KIF26B: variants seen among roughly 807,000 people sequenced by gnomAD.
The protein encoded by KIF26B is kinesin-like protein KIF26B.
In KIF26B, 63 loss-of-function variants were observed where a neutral mutation model predicts 151.2. The observed-to-expected ratio is 0.42, with a 90% CI of 0.34 to 0.51. KIF26B has a LOEUF of 0.51. Among genes scored for constraint, KIF26B ranks in the 20% least tolerant of loss-of-function variants. The probability of loss-of-function intolerance (pLI) is 0.07; values close to 1 mark genes in which losing one functional copy is unlikely to be tolerated. For missense variants in KIF26B, 2,813 were observed against 2,913.6 expected (o/e 0.97, Z 0.79); for synonymous variants, 1,357 against 1,262.1 (o/e 1.08, Z -1.59).
Position 245,611,985 on chromosome 1 carries a change from G to A in KIF26B, c.2098+9G>A, listed in dbSNP as rs144325629. ...GAGCGGGAAAGGGGGAAGTAAGTCG[G>A]CCACTCCACCCTCCTGCCTCCTTAG... On this transcript the variant is annotated intron_variant, in intron 9 of 14. Transcript: ENST00000407071. 0.015 allele frequency: 23,538 copies of A among 1,609,226 alleles called. 190 individuals are homozygous for A. The highest frequency in any genetic ancestry group is 0.016 in the Non-Finnish European group (18,948 of 1,176,558).
intron 2 of KIF26B, chr1:245,216,023 T>G (rs1452132594): frequency 1.3e-5 from 2 of 151,708 alleles, no homozygotes; most frequent in Non-Finnish European, 2.9e-5. Context: ...AGCCCAGGAG[T>G]TCGAGTCCAG....
chr1:245,524,782 A>C (rs1168630156), intron 4 of KIF26B, among the ~76,000 whole-genome samples: 1 of 152,188 alleles, frequency 6.6e-6, no homozygotes, highest in East Asian at 1.9e-4. Context: ...TTCTCAAAAG[A>C]ATAGCCGAGG....
intron 4 of KIF26B, among the ~76,000 whole-genome samples, chr1:245,421,629 G>A (rs61831488): frequency 0.1 from 15,529 of 152,086 alleles, 1,000 homozygotes; most frequent in South Asian, 0.16. Flanking sequence ...GGAGTCTTCC[G>A]TTCAGTTCCA....
rs2043458065 is a variant in KIF26B at position 245,606,683 on chromosome 1, G to A, written c.1558-968G>A. On this transcript the variant is annotated intron_variant, in intron 6 of 14. Coordinates refer to ENST00000407071, the MANE Select transcript of KIF26B (RefSeq NM_018012.4). The surrounding 1 kb of genome is among the most constrained non-coding windows in gnomAD (Gnocchi z 4.6). ...GACCAGACACACACACCCGGCCAAAGAACACCTAATAACATACCATGTGGT... is the reference window on the plus strand; with the variant it reads ...GACCAGACACACACACCCGGCCAAAAAACACCTAATAACATACCATGTGGT... Among the ~76,000 whole-genome samples, 1 of 152,154 alleles carries A rather than the reference G, an allele frequency of 6.6e-6. No individual in the cohort carries two copies. The highest frequency in any genetic ancestry group is 1.5e-5 in the Non-Finnish European group (1 of 68,036).
intron 4 of KIF26B, among the ~76,000 whole-genome samples, chr1:245,492,569 C>T (rs1009782780): frequency 2.6e-5 from 4 of 152,182 alleles, no homozygotes; most frequent in African/African-American, 4.8e-5. Context: ...AAAGGCGGCA[C>T]GCCAGACTAA....
intron 2 of KIF26B, among the ~76,000 whole-genome samples, chr1:245,355,016 G>C (rs772877255): frequency 3.2e-4 from 48 of 152,174 alleles, no homozygotes; most frequent in Admixed American, 5.2e-4. Context: ...TGCCTTTCAG[G>C]TTCAAGCGAT....
chr1:245,485,927 A>T (rs561302737), intron 4 of KIF26B, among the ~76,000 whole-genome samples: 1 of 152,350 alleles, frequency 6.6e-6, no homozygotes, highest in East Asian at 1.9e-4. Context: ...GTCAATAGTC[A>T]GTTTGTCTTC....
intron 2 of KIF26B, among the ~76,000 whole-genome samples, chr1:245,164,401 TGA>T (rs1668581910): frequency 6.6e-6 from 1 of 152,272 alleles, no homozygotes; most frequent in Non-Finnish European, 1.5e-5. Flanking sequence ...TGAACATTTT[TGA>T]TTCCTGTTTA....
chr1:245,431,309 G>C (rs886394515), intron 4 of KIF26B, among the ~76,000 whole-genome samples: 1 of 149,558 alleles, frequency 6.7e-6, no homozygotes, highest in African/African-American at 2.5e-5. Context: ...CTCCTGAGTA[G>C]CTAGGACTGC....
intron 2 of KIF26B, among the ~76,000 whole-genome samples, chr1:245,347,265 T>G (rs1259614287): frequency 1.3e-5 from 2 of 152,170 alleles, no homozygotes; most frequent in Non-Finnish European, 2.9e-5. Context: ...AAATTTCTCT[T>G]AACCTCACAC....
chr1:245,174,416 G>GT (rs1219802190), intron 2 of KIF26B, among the ~76,000 whole-genome samples: 3 of 151,290 alleles, frequency 2.0e-5, no homozygotes. Flanking sequence ...ATCTCTAACA[G>GT]TAATACAAGA....
At chr1:245,670,769 T>C (rs926212816) in intron 10 of KIF26B, among the ~76,000 whole-genome samples, 5 of 152,344 alleles carry the variant, frequency 3.3e-5, no homozygotes, top group Non-Finnish European at 2.9e-5. Context: ...CCATGAGATG[T>C]TGGGATACAG....
Position 245,602,723 on chromosome 1 carries a change from C to T in KIF26B, c.1497C>T (p.Gly499=). 1 of 1,614,048 alleles carries T rather than the reference C, an allele frequency of 6.2e-7. No homozygotes were observed. Among genetic ancestry groups the T allele is most frequent in the Non-Finnish European group, 8.5e-7 (1 of 1,179,890 alleles). ...GTCAAAATGCCTTCCAAAAGAGAGG[C>T]AACCAGGTTCCTCCAAAGATGTTTG... is the stretch of plus-strand genomic sequence containing the variant. The part of the protein sequence containing the change: ...CGGQNAFQKR[G]NQVPPKMFAF... The change falls in exon 6 of 15, where the codon GGC becomes GGT. Residue 499 remains glycine (G), a synonymous_variant. Transcript: ENST00000407071. This position sits in a 1 kb window ranked among gnomAD's most constrained non-coding sequence, Gnocchi z 4.5.
intron 2 of KIF26B, among the ~76,000 whole-genome samples, chr1:245,182,487 G>C (rs1271933594): frequency 3.9e-5 from 6 of 152,142 alleles, no homozygotes; most frequent in Admixed American, 6.5e-5. Context: ...CGATGGCTAT[G>C]TGGGCTATTT....
At chr1:245,681,079 A>G (rs1483897955) in intron 10 of KIF26B, among the ~76,000 whole-genome samples, 2 of 152,144 alleles carry the variant, frequency 1.3e-5, no homozygotes, top group African/African-American at 2.4e-5. Flanking sequence ...TAGGAGCTAC[A>G]GTGCTCATGG....
rs369770994 is a variant in KIF26B, at chr1:245,472,706, C to A, written c.1166+52961C>A. Among the ~76,000 whole-genome samples the A allele has an allele frequency of 3.3e-5, 5 of 152,320 alleles. No homozygotes were observed. The East Asian group carries it at 7.7e-4, about 24-fold the overall frequency. On this transcript the variant is annotated intron_variant, in intron 4 of 14. Coordinates refer to ENST00000407071, the MANE Select transcript of KIF26B (RefSeq NM_018012.4). ...GGCCGTCTTTCTCTGGCTCACTTCA[C>A]CTTGTTGCCCTCGGATAACTCCAGT... is the stretch of plus-strand genomic sequence containing the variant.
intron 2 of KIF26B, among the ~76,000 whole-genome samples, chr1:245,351,418 C>G (rs1429070329): frequency 6.9e-6 from 1 of 144,678 alleles, no homozygotes; most frequent in East Asian, 1.9e-4. Flanking sequence ...CTTTTCATGT[C>G]TTAAACAAAG....
intron 2 of KIF26B, among the ~76,000 whole-genome samples, chr1:245,279,484 T>C (rs1670999752): frequency 6.6e-6 from 1 of 151,912 alleles, no homozygotes; most frequent in African/African-American, 2.4e-5. Context: ...ATTTTGTAAA[T>C]TTTTTGTAGA....
chr1:245,518,756 C>T (rs946692948), intron 4 of KIF26B, among the ~76,000 whole-genome samples: 3 of 152,082 alleles, frequency 2.0e-5, no homozygotes, highest in African/African-American at 4.8e-5. Flanking sequence ...GTCAGAACGC[C>T]GCGGTGGTTA....
Sources: allele counts gnomAD v4.1 joint callset (sites outside exome capture counted in the v4.1 genomes callset), GRCh38; gene constraint gnomAD v4.1.1; non-coding constraint Gnocchi (gnomAD v3.1); transcripts MANE v1.5; gene names NCBI Gene and HGNC (gene_info 2026-07-23, HGNC 2026-07-21).